RASAL1: variants seen among roughly 807,000 people sequenced by gnomAD.
RASAL1 encodes RAS protein activator like 1.
Under a neutral mutation model 96.6 loss-of-function variants are expected in RASAL1, and 72 were observed. The observed-to-expected ratio is 0.75, with a 90% CI of 0.62 to 0.91. The LOEUF (loss-of-function observed/expected upper bound fraction) is 0.91, where lower values mean the gene tolerates loss of function less well. RASAL1 is among the 40% of genes least tolerant of loss of function. RASAL1 has a pLI of 0.00. For missense variants in RASAL1, 1,016 were observed against 1,072.5 expected, an observed-to-expected ratio of 0.95 and a Z score of 0.74; for synonymous variants, 405 against 430.4, an observed-to-expected ratio of 0.94 and a Z score of 0.73.
chr12:113,131,983 T>G (rs560272835), intron 1 of RASAL1, among the ~76,000 whole-genome samples: 2 of 149,112 alleles, frequency 1.3e-5, no homozygotes, highest in East Asian at 1.9e-4. Context: ...TTTTTTTTTT[T>G]TTTTTTGAGA....
rs1025357732 is a variant in RASAL1 at position 113,135,156 on chromosome 12, A to G, written c.65+242T>C. Among the ~76,000 whole-genome samples the G allele has an allele frequency of 4.6e-5, 7 of 151,784 alleles. No homozygotes were observed. The highest frequency in any genetic ancestry group is 8.8e-5 in the Non-Finnish European group (6 of 67,950). ...CCTTTAGTACATCCCGGGAACAAAG[A>G]CACCCCCTCCCCTGCCCGGGGGTGA... On this transcript the variant is annotated intron_variant, in intron 1 of 20. Coordinates refer to ENST00000548055, the MANE Select transcript of RASAL1 (RefSeq NM_001301202.2). This position sits in a 1 kb window ranked among gnomAD's most constrained non-coding sequence, Gnocchi z 5.7.
Position 113,105,879 on chromosome 12 carries a change from A to G in RASAL1, c.1665T>C (p.Gly555=), listed in dbSNP as rs761985479. 2 of 1,612,788 alleles carry G rather than the reference A, an allele frequency of 1.2e-6. No individual in the cohort carries two copies. The highest frequency in any genetic ancestry group is 1.7e-5 in the Admixed American group (1 of 59,894). The stretch of plus-strand genomic sequence containing the variant: ...GCGGGAACAGGGCCCTGGCTGGGAC[A>G]CCAGCTTCTAGGAGATGGGAGAAGA... ...LVDVDGDEEA[G]VPARALFPPS... The change falls in exon 16 of 21, where the codon GGT becomes GGC. Residue 555 remains glycine (G), a synonymous_variant. Coordinates refer to ENST00000548055, the MANE Select transcript of RASAL1 (RefSeq NM_001301202.2).
intron 4 of RASAL1, among the ~76,000 whole-genome samples, chr12:113,122,487 C>T (rs74962672): frequency 1.5e-4 from 23 of 152,014 alleles, no homozygotes; most frequent in South Asian, 2.1e-4. Context: ...CCACAGCTAG[C>T]TAATTTTTTG....
Position 113,115,554 on chromosome 12 carries a change from G to T in RASAL1, c.1003+81C>A, listed in dbSNP as rs1227020909. 1.3e-6 allele frequency: 2 copies of T among 1,530,132 alleles called. No homozygotes were observed. Among genetic ancestry groups the T allele is most frequent in the Middle Eastern group, 2.4e-4 (1 of 4,168 alleles). 94.8% of individuals were successfully genotyped at this position (1,530,132 alleles called of 1,614,324 possible). ...GGAGCCCTTTTTCCCTCTGCCTGAG[G>T]CCTCCCCATTCCTCCCCCAGGACCC... On this transcript the variant is annotated intron_variant, in intron 10 of 20. Coordinates refer to ENST00000548055, the MANE Select transcript of RASAL1 (RefSeq NM_001301202.2). This position sits in a 1 kb window ranked among gnomAD's most constrained non-coding sequence, Gnocchi z 4.1.
At chr12:113,118,315 G>A (rs1174977316) in intron 7 of RASAL1, among the ~76,000 whole-genome samples, 1 of 152,214 alleles carries the variant, frequency 6.6e-6, no homozygotes. Flanking sequence ...AAGAACCTAT[G>A]GATGACATTA....
At position 113,105,817 on chromosome 12, in the gene RASAL1, C is replaced by A. The variant is rs544486200; in HGVS notation, c.1727G>T (p.Arg576Leu). Residue 576 changes from arginine to leucine, a missense_variant, in exon 16 of 21, where the codon CGC (arginine) becomes CTC (leucine). Transcript: ENST00000548055. ...AIVREGYLLK[R>L]KEEPAGLATR... ...GGCCAGGCCGGCAGGCTCCTCCTTG[C>A]GCTTCAGCAGATAGCCTTCTCGAAC... The A allele has an allele frequency of 1.2e-6, 2 of 1,614,062 alleles. No individual in the cohort carries two copies. The highest frequency in any genetic ancestry group is 1.7e-6 in the Non-Finnish European group (2 of 1,180,038).
chr12:113,110,145 A>G (rs1950815864), intron 13 of RASAL1, among the ~76,000 whole-genome samples: 1 of 152,142 alleles, frequency 6.6e-6, no homozygotes, highest in Non-Finnish European at 1.5e-5. Flanking sequence ...AGAGCCCAGC[A>G]AGGTGAGGTG....
Position 113,100,061 on chromosome 12 carries a change from AC to A in RASAL1, c.2285del (p.Cys762PhefsTer113). The A allele has an allele frequency of 2.5e-6, 4 of 1,606,540 alleles. No homozygotes were observed. Among genetic ancestry groups the A allele is most frequent in the Non-Finnish European group, 3.4e-6 (4 of 1,176,008 alleles). Reference protein sequence around the residue: ...DTTLEADTGACPEVLARQRAA... With the variant: ...DTTLEADTGAXPEVLARQRAA... ...CTCTTTGCCGGGCCAGGACCTCAGG[AC>A]AGGCCCCTAGGAGGGAGACAAGAGG... On this transcript the variant is annotated frameshift_variant, in exon 21 of 21. Coordinates refer to ENST00000548055, the MANE Select transcript of RASAL1 (RefSeq NM_001301202.2). LOFTEE classifies it low-confidence loss of function (END_TRUNC).
rs527648626 is a variant in RASAL1, at chr12:113,099,885, C to T, written c.*44G>A. On this transcript the variant is annotated 3_prime_UTR_variant, in exon 21 of 21. Transcript: ENST00000548055. ...CGGGGCAGGATGCGCTGAAGAGGGC[C>T]CCCTGGCTCTTGCTCCTCCTTCCGG... 153 of 1,581,226 alleles carry T rather than the reference C, an allele frequency of 9.7e-5. 3 individuals are homozygous for T. The South Asian group carries it at 1.6e-3, about 17-fold the overall frequency.
intron 15 of RASAL1, among the ~76,000 whole-genome samples, chr12:113,106,304 T>G (rs1741146560): frequency 6.6e-6 from 1 of 152,152 alleles, no homozygotes; most frequent in Non-Finnish European, 1.5e-5. Flanking sequence ...GTTGCTTCAA[T>G]GGGACTGGGA....
intron 18 of RASAL1, chr12:113,103,730 C>G (rs1294543651): frequency 1.5e-6 from 1 of 647,562 alleles, no homozygotes; most frequent in Non-Finnish European, 2.6e-6. Flanking sequence ...ATACGCCAAG[C>G]AGCGTCCTAT....
In RASAL1 at chr12:113,119,181, G is replaced by A. The variant is rs768708499; in HGVS notation, c.589C>T (p.Arg197Trp). ...REMPGAPSPL[R>W]VELWDWDMVG... ...ATGTCCCAGTCCCAGAGCTCCACCC[G>A]CAGTGGGGACGGGGCACCTGGCATC... is the stretch of plus-strand genomic sequence containing the variant. Residue 197 changes from arginine (R) to tryptophan (W), a missense_variant, in exon 7 of 21, where the codon CGG becomes TGG. Physicochemically the swap from Arg to Trp is moderately radical, Grantham distance 101. Coordinates refer to ENST00000548055, the MANE Select transcript of RASAL1 (RefSeq NM_001301202.2). 12 of 1,613,782 alleles carry A rather than the reference G, an allele frequency of 7.4e-6. No homozygotes were observed. The highest frequency in any genetic ancestry group is 1.3e-5 in the African/African-American group (1 of 74,924).
chr12:113,125,960 G>A (rs1951465841), intron 4 of RASAL1, among the ~76,000 whole-genome samples: 1 of 152,202 alleles, frequency 6.6e-6, no homozygotes. Flanking sequence ...ACTGTTATAG[G>A]AAGATCTCAG....
At chr12:113,112,762 C>T (rs1245558635) in intron 12 of RASAL1, among the ~76,000 whole-genome samples, 7 of 152,052 alleles carry the variant, frequency 4.6e-5, no homozygotes, top group Non-Finnish European at 1.5e-5. Context: ...ACCAGCCTGG[C>T]CAACATGGTG....
In RASAL1 at chr12:113,135,445, G is replaced by T. The variant is rs1210559584; in HGVS notation, c.18C>A (p.Ser6=). 5 of 1,609,508 alleles carry T rather than the reference G, an allele frequency of 3.1e-6. No individual in the cohort carries two copies. Among genetic ancestry groups the T allele is most frequent in the Non-Finnish European group, 4.2e-6 (5 of 1,178,606 alleles). The change falls in exon 1 of 21, where the codon TCC becomes TCA. Residue 6 remains serine, a synonymous_variant. Coordinates refer to ENST00000548055, the MANE Select transcript of RASAL1 (RefSeq NM_001301202.2). This position sits in a 1 kb window ranked among gnomAD's most constrained non-coding sequence, Gnocchi z 5.7. MAKSS[S]LNVRVVEGRA... ...GGCCCTCCACCACGCGAACATTCAGGGAGCTGCTCTTGGCCATGGCGCCTA... is the reference window on the plus strand; with the variant it reads ...GGCCCTCCACCACGCGAACATTCAGTGAGCTGCTCTTGGCCATGGCGCCTA...
In RASAL1 at chr12:113,112,193, C is replaced by G; in HGVS notation, c.1267G>C (p.Val423Leu). Residue 423 changes from valine (V) to leucine (L), a missense_variant, in exon 13 of 21, where the codon GTG becomes CTG. By Grantham distance (32) the Val-to-Leu change is conservative (BLOSUM62 1). Coordinates refer to ENST00000548055, the MANE Select transcript of RASAL1 (RefSeq NM_001301202.2). ...GLLTGYLGPI[V>L]DAIVGSVGRC... ...CCCACGGAGCCCACGATGGCGTCCA[C>G]GATGGGCCCCAGGTAGCCCGTCAGC... The G allele has an allele frequency of 2.4e-6, 3 of 1,261,324 alleles. No homozygotes were observed. The highest frequency in any genetic ancestry group is 3.0e-6 in the Non-Finnish European group (3 of 994,916). 78.1% of individuals were successfully genotyped at this position (1,261,324 alleles called of 1,614,324 possible).
chr12:113,134,617 A>C (rs1444235133), intron 1 of RASAL1, among the ~76,000 whole-genome samples: 1 of 152,250 alleles, frequency 6.6e-6, no homozygotes, highest in Non-Finnish European at 1.5e-5. Flanking sequence ...TAAGGCCCTC[A>C]GAGCCCCTTC....
chr12:113,129,442 G>A lies in RASAL1; in HGVS notation c.123-1264C>T, dbSNP rs1042114395. 1.3e-5 allele frequency among the ~76,000 whole-genome samples: 2 copies of A among 152,200 alleles called. No individual in the cohort carries two copies. Among genetic ancestry groups the A allele is most frequent in the African/African-American group, 4.8e-5 (2 of 41,434 alleles). On this transcript the variant is annotated intron_variant, in intron 2 of 20. Transcript: ENST00000548055. The surrounding 1 kb of genome is among the most constrained non-coding windows in gnomAD (Gnocchi z 5.0). ...GGAGACAGGAGGTGAGCAGGGGACA[G>A]AGCACTCGGGGCTTTGAAGCACACA...
At chr12:113,110,806 A>G (rs917513013) in intron 13 of RASAL1, among the ~76,000 whole-genome samples, 3 of 152,054 alleles carry the variant, frequency 2.0e-5, no homozygotes, top group African/African-American at 4.8e-5. Context: ...AGTCCCAGCA[A>G]CTCGGGAGGC....
Sources: allele counts gnomAD v4.1 joint callset (sites outside exome capture counted in the v4.1 genomes callset), GRCh38; gene constraint gnomAD v4.1.1; non-coding constraint Gnocchi (gnomAD v3.1); transcripts MANE v1.5; gene names NCBI Gene and HGNC (gene_info 2026-07-23, HGNC 2026-07-21).